SH3PXD2A: variants seen among roughly 807,000 people sequenced by gnomAD.
SH3PXD2A encodes SH3 and PX domains 2A, also known as SH3 and PX domain-containing protein 2A.
A neutral mutation model predicts 115.2 loss-of-function variants in SH3PXD2A; 32 were observed. The observed-to-expected ratio is 0.28, with a 90% CI of 0.21 to 0.37. The LOEUF is 0.37. Among genes scored for constraint, SH3PXD2A ranks in the 10% least tolerant of loss-of-function variants. SH3PXD2A has a pLI of 1.00. For synonymous variants in SH3PXD2A, 610 were observed against 629.1 expected (o/e 0.97, Z 0.45); for missense variants, 1,328 against 1,498.7 (o/e 0.89, Z 1.88).
chr10:103,614,560 C>T (rs956519068), intron 11 of SH3PXD2A, among the ~76,000 whole-genome samples: 2 of 152,198 alleles, frequency 1.3e-5, no homozygotes, highest in Non-Finnish European at 2.9e-5. Context: ...TCTGGTGATT[C>T]GATGACTTCT....
chr10:103,627,329 C>T lies in SH3PXD2A; in HGVS notation c.605-127G>A. On this transcript the variant is annotated intron_variant, in intron 8 of 14. Coordinates refer to ENST00000369774, the MANE Select transcript of SH3PXD2A (RefSeq NM_001394015.1). This position sits in a 1 kb window ranked among gnomAD's most constrained non-coding sequence, Gnocchi z 4.4. ...AGCATGGAGCCAGATGGCCTGGGGA[C>T]CCAGCAAATGCCTGGCCCAGCTCCA... 1 of 631,538 alleles carries T rather than the reference C, an allele frequency of 1.6e-6. No homozygotes were observed. 39.1% of individuals were successfully genotyped at this position (631,538 alleles called of 1,614,324 possible). A position where few individuals can be genotyped will look rare whatever the true frequency, so the allele number is the denominator to read the frequency against.
intron 10 of SH3PXD2A, among the ~76,000 whole-genome samples, chr10:103,619,234 A>C (rs1184136464): frequency 2.0e-5 from 3 of 152,066 alleles, no homozygotes; most frequent in Non-Finnish European, 4.4e-5. Context: ...CGGCCCTTTG[A>C]GAAGTTCAGG....
rs557146984 is a variant in SH3PXD2A at position 103,689,500 on chromosome 10, A to G, written c.427+3528T>C. Among the ~76,000 whole-genome samples the G allele has an allele frequency of 1.1e-3, 174 of 152,272 alleles. 1 individual carries two copies. The highest frequency in any genetic ancestry group is 4.0e-3 in the African/African-American group (166 of 41,556). Reference sequence around the variant, plus strand: ...GCCAAAATGGTGAAACCTTGTCTCTACTAAAACTGCAAAAATTAGCCAGGT... The same window carrying G: ...GCCAAAATGGTGAAACCTTGTCTCTGCTAAAACTGCAAAAATTAGCCAGGT... On this transcript the variant is annotated intron_variant, in intron 6 of 14. Transcript: ENST00000369774.
intron 1 of SH3PXD2A, among the ~76,000 whole-genome samples, chr10:103,804,314 C>CTTTTTTTTTTTTTTTTT (rs58737094): frequency 1.7e-5 from 1 of 59,672 alleles, no homozygotes; most frequent in African/African-American, 6.5e-5. Context: ...TTGACATCAT[C>CTTTTTTTTTTTTTTTTT]TTTTTTTTTT....
At chr10:103,847,066 T>C (rs1336014078) in intron 1 of SH3PXD2A, among the ~76,000 whole-genome samples, 1 of 152,240 alleles carries the variant, frequency 6.6e-6, no homozygotes, top group African/African-American at 2.4e-5. Flanking sequence ...ATTGTTACAT[T>C]TTCCCTAAGA....
intron 3 of SH3PXD2A, among the ~76,000 whole-genome samples, chr10:103,737,566 G>C (rs954919477): frequency 6.6e-6 from 1 of 152,180 alleles, no homozygotes; most frequent in Non-Finnish European, 1.5e-5. Flanking sequence ...ATCATGGTGG[G>C]CAACTAGAGC....
rs2036206528 is a variant in SH3PXD2A at position 103,601,009 on chromosome 10, G to A, written c.*807C>T. ...CAAACCTCTCCCGAAACATGCAAAG[G>A]AACTGCCCGCCCAGAAATACCCAAA... On this transcript the variant is annotated 3_prime_UTR_variant, in exon 15 of 15. Transcript: ENST00000369774. The A allele has an allele frequency of 1.3e-5, 2 of 152,166 alleles. No individual in the cohort carries two copies. The highest frequency in any genetic ancestry group is 3.2e-3 in the Middle Eastern group (1 of 316). 9.4% of individuals were successfully genotyped at this position (152,166 alleles called of 1,614,324 possible).
chr10:103,765,453 T>C (rs1382673597), intron 3 of SH3PXD2A, among the ~76,000 whole-genome samples: 1 of 152,230 alleles, frequency 6.6e-6, no homozygotes, highest in Non-Finnish European at 1.5e-5. Flanking sequence ...TCCACTAGCC[T>C]GAGCGTTCCG....
At chr10:103,715,769 G>A (rs554210142) in intron 5 of SH3PXD2A, among the ~76,000 whole-genome samples, 1 of 152,214 alleles carries the variant, frequency 6.6e-6, no homozygotes, top group Admixed American at 6.5e-5. Flanking sequence ...CCTGGCATTC[G>A]ACTGGGATTG....
chr10:103,624,315 G>A (rs541491930), intron 9 of SH3PXD2A, among the ~76,000 whole-genome samples: 7 of 152,284 alleles, frequency 4.6e-5, no homozygotes, highest in East Asian at 1.9e-4. Context: ...CCCAATATGC[G>A]CCCACTCTGG....
chr10:103,792,609 C>G (rs1265876102), intron 2 of SH3PXD2A, among the ~76,000 whole-genome samples: 4 of 152,176 alleles, frequency 2.6e-5, no homozygotes, highest in African/African-American at 9.7e-5. Flanking sequence ...AAATCAAGCA[C>G]AGAGAGGTTA....
intron 13 of SH3PXD2A, among the ~76,000 whole-genome samples, chr10:103,606,725 A>T (rs1356315079): frequency 6.6e-6 from 1 of 152,098 alleles, no homozygotes; most frequent in Non-Finnish European, 1.5e-5. Flanking sequence ...TCCAGCTCCT[A>T]ACCGCGAGTG....
At chr10:103,711,462 C>T (rs192418696) in intron 5 of SH3PXD2A, among the ~76,000 whole-genome samples, 3 of 152,330 alleles carry the variant, frequency 2.0e-5, no homozygotes, top group African/African-American at 2.4e-5. Context: ...GGAATCAATA[C>T]GCAGGGAACG....
chr10:103,811,734 T>C (rs973227277), intron 1 of SH3PXD2A, among the ~76,000 whole-genome samples: 1 of 152,240 alleles, frequency 6.6e-6, no homozygotes, highest in African/African-American at 2.4e-5. Flanking sequence ...AGGCCGCCCA[T>C]GAGGCAGGTG....
intron 6 of SH3PXD2A, 105 bp downstream of exon 6, chr10:103,692,923 C>T (rs2037775204): frequency 1.1e-6 from 1 of 943,300 alleles, no homozygotes; most frequent in Non-Finnish European, 1.7e-6. Context: ...CGTGCAAGGA[C>T]AACCCCCCCC....
chr10:103,748,418 T>C (rs528689457), intron 3 of SH3PXD2A, among the ~76,000 whole-genome samples: 1 of 152,258 alleles, frequency 6.6e-6, no homozygotes, highest in Non-Finnish European at 1.5e-5. Context: ...CCTGACGGGG[T>C]ACATCTCAAC....
At chr10:103,638,866 G>A (rs4918036) in intron 8 of SH3PXD2A, among the ~76,000 whole-genome samples, 135,287 of 152,292 alleles carry the variant, frequency 0.89, 60,343 homozygotes, top group East Asian at 1. Flanking sequence ...GGTAGGTCTT[G>A]GGTGTCTGGA....
chr10:103,836,705 A>ACACACC (rs748978297), intron 1 of SH3PXD2A, among the ~76,000 whole-genome samples: 64 of 149,582 alleles, frequency 4.3e-4, no homozygotes, highest in Middle Eastern at 3.4e-3. Context: ...ACACACACAC[A>ACACACC]CCCCTTCTTT....
At chr10:103,605,955 A>C (rs2036293570) in intron 13 of SH3PXD2A, 38 bp from the exon 14 acceptor site, 1 of 1,607,516 alleles carries the variant, frequency 6.2e-7, no homozygotes, top group African/African-American at 1.3e-5. Flanking sequence ...AAACCCGCCT[A>C]AATCAGAAGA....
Sources: gnomAD v4.1 joint callset for allele counts (sites outside exome capture counted in the v4.1 genomes callset) on GRCh38, gnomAD v4.1.1 for gene constraint, Gnocchi (gnomAD v3.1) non-coding constraint, MANE v1.5 for transcripts, NCBI Gene and HGNC (gene_info 2026-07-23, HGNC 2026-07-21) for gene names.